Variants in LAMA1 observed in about 807,000 individuals in gnomAD.
LAMA1 encodes the protein laminin subunit alpha-1.
A neutral mutation model predicts 348.7 loss-of-function variants in LAMA1; 219 were observed. That is an observed-to-expected ratio of 0.63 (90% confidence interval 0.56 to 0.70). The LOEUF (loss-of-function observed/expected upper bound fraction) is 0.70. LAMA1 is among the 30% of genes least tolerant of loss of function. The probability of loss-of-function intolerance (pLI) is 0.00; values close to 1 mark genes in which losing one functional copy is unlikely to be tolerated. For missense variants in LAMA1, 3,744 were observed against 3,888.0 expected (o/e 0.96, Z 0.99); for synonymous variants, 1,487 against 1,491.0 (o/e 1.00, Z 0.06).
chr18:6,965,712 G>A (rs1447433360), intron 49 of LAMA1: 2 of 465,756 alleles, frequency 4.3e-6, no homozygotes, highest in Non-Finnish European at 7.7e-6. Flanking sequence ...CTGACAAGGG[G>A]CCCGTTCTAA....
intron 1 of LAMA1, among the ~76,000 whole-genome samples, chr18:7,093,774 CTTTTTTT>C (rs34130725): frequency 8.0e-6 from 1 of 124,624 alleles, no homozygotes; most frequent in African/African-American, 3.1e-5. Flanking sequence ...GGTTTCTCAA[CTTTTTTT>C]TTTTTTTTTT....
In LAMA1 at chr18:7,049,152, T is replaced by G; in HGVS notation, c.694A>C (p.Arg232=). ...GTCATGAGATCTGCATTGAGCGTTCTAATGCGTTGCAAGCGAAGGCGAATA... is the reference window on the plus strand; with the variant it reads ...GTCATGAGATCTGCATTGAGCGTTCGAATGCGTTGCAAGCGAAGGCGAATA... The part of the protein sequence containing the change: ...RYIRLRLQRI[R]TLNADLMTLS... Residue 232 remains arginine (R), a synonymous_variant, in exon 5 of 63, where the codon AGA becomes CGA. Coordinates refer to ENST00000389658, the MANE Select transcript of LAMA1 (RefSeq NM_005559.4). 6.2e-7 allele frequency: 1 copy of G among 1,614,118 alleles called. No individual in the cohort carries two copies. The highest frequency in any genetic ancestry group is 1.7e-5 in the Admixed American group (1 of 60,028).
intron 48 of LAMA1, among the ~76,000 whole-genome samples, chr18:6,971,128 A>G (rs2057656417): frequency 6.6e-6 from 1 of 152,218 alleles, no homozygotes; most frequent in Non-Finnish European, 1.5e-5. Flanking sequence ...CTCTAACGGA[A>G]AAAAGCAATT....
intron 1 of LAMA1, among the ~76,000 whole-genome samples, chr18:7,097,612 C>T (rs2058267473): frequency 6.6e-6 from 1 of 150,824 alleles, no homozygotes; most frequent in Admixed American, 6.6e-5. Context: ...ATGACTTACA[C>T]TACCTATTTC....
rs574742129 is a variant in LAMA1 at position 6,993,569 on chromosome 18, T to C, written c.5008+72A>G. On this transcript the variant is annotated intron_variant, in intron 35 of 62. Transcript: ENST00000389658. ...TGCAAGAGATATACATCTATTCATA[T>C]GTTTAATAAAGCAATGGTGACTTCT... 379 of 1,071,898 alleles carry C rather than the reference T, an allele frequency of 3.5e-4. 1 individual carries two copies. In the South Asian group the frequency reaches 4.5e-3, roughly 13 times the overall value. The allele number at this position is 1,071,898 out of a possible 1,614,324, so 66.4% of individuals were successfully genotyped here. A position where few individuals can be genotyped will look rare whatever the true frequency, so the allele number is the denominator to read the frequency against.
At chr18:7,005,417 A>C (rs1186977732) in intron 29 of LAMA1, among the ~76,000 whole-genome samples, 1 of 152,202 alleles carries the variant, frequency 6.6e-6, no homozygotes, top group Non-Finnish European at 1.5e-5. Flanking sequence ...TGTACACTAA[A>C]TTACTGCCTG....
chr18:7,117,153 G>C (rs932437799), intron 1 of LAMA1, among the ~76,000 whole-genome samples: 1 of 152,182 alleles, frequency 6.6e-6, no homozygotes, highest in Non-Finnish European at 1.5e-5. Context: ...CAGGGGCCCC[G>C]AGGAATCCGC....
At chr18:7,107,141 C>T (rs1359230440) in intron 1 of LAMA1, among the ~76,000 whole-genome samples, 4 of 123,094 alleles carry the variant, frequency 3.2e-5, no homozygotes, top group African/African-American at 6.7e-5. Flanking sequence ...TTTTTTGAGA[C>T]GGAGTCTCAC....
intron 14 of LAMA1, 105 bp downstream of exon 14, chr18:7,034,374 A>G (rs2057984710): frequency 1.2e-6 from 1 of 832,356 alleles, no homozygotes; most frequent in South Asian, 1.4e-5. Flanking sequence ...CTGTGTCCTT[A>G]ATATAATGAA....
intron 3 of LAMA1, among the ~76,000 whole-genome samples, chr18:7,055,845 G>A (rs1202380901): frequency 6.6e-6 from 1 of 152,064 alleles, no homozygotes; most frequent in Non-Finnish European, 1.5e-5. Flanking sequence ...ATTTTGGGAG[G>A]CCGAGGCGGG....
intron 32 of LAMA1, 150 bp downstream of exon 32, chr18:6,999,295 G>T: frequency 1.2e-6 from 1 of 804,478 alleles, no homozygotes; most frequent in Non-Finnish European, 2.0e-6. Context: ...TTCAGCAGAT[G>T]CAACAGTGAT....
chr18:7,008,745 G>T, intron 27 of LAMA1, 137 bp from the exon 28 acceptor site: 2 of 973,972 alleles, frequency 2.1e-6, no homozygotes, highest in Non-Finnish European at 1.6e-6. Flanking sequence ...GCTTGTGATT[G>T]TAAGTGAAGT....
rs2058332958 is a variant in LAMA1 at position 7,110,885 on chromosome 18, CCCT to C, written c.61+6772_61+6774del. Among the ~76,000 whole-genome samples the C allele has an allele frequency of 5.2e-4, 27 of 51,566 alleles. 1 individual carries two copies. The highest frequency in any genetic ancestry group is 2.5e-3 in the African/African-American group (23 of 9,038). 33.8% of individuals were successfully genotyped at this position (51,566 alleles called of 152,430 possible). A position where few individuals can be genotyped will look rare whatever the true frequency, so the allele number is the denominator to read the frequency against. On this transcript the variant is annotated intron_variant, in intron 1 of 62. Transcript: ENST00000389658. ...CAACTGTGGTGTGAGGGTTTTTTTT[CCCT>C]CCCCCCCCCCACTTCTAATTGTTCT...
At chr18:7,008,683 C>T in intron 27 of LAMA1, 75 bp from the exon 28 acceptor site, 1 of 1,536,150 alleles carries the variant, frequency 6.5e-7, no homozygotes, top group Admixed American at 1.7e-5. Flanking sequence ...CATGACCTAA[C>T]ACTTGCATAT....
At chr18:7,044,591 C>T (rs994251868) in intron 7 of LAMA1, 131 bp downstream of exon 7, 1 of 811,598 alleles carries the variant, frequency 1.2e-6, no homozygotes, top group Non-Finnish European at 2.2e-6. Context: ...AGGTCATCTG[C>T]AGCTTTGGAA....
At position 6,950,930 on chromosome 18, in the gene LAMA1, C is replaced by T; in HGVS notation, c.8249G>A (p.Gly2750Asp). The T allele has an allele frequency of 6.2e-7, 1 of 1,614,124 alleles. No individual in the cohort carries two copies. Among genetic ancestry groups the T allele is most frequent in the Non-Finnish European group, 8.5e-7 (1 of 1,180,030 alleles). Reference protein sequence around the residue: ...ELSIRTFASSGLIYYMAHQNQ... With the variant: ...ELSIRTFASSDLIYYMAHQNQ... ...CTGATGAGCCATGTAGTAAATCAGG[C>T]CGCTGGAGGCGAACGTGCGGATGCT... is the stretch of plus-strand genomic sequence containing the variant. Residue 2750 changes from glycine to aspartate, a missense_variant, in exon 58 of 63, where the codon GGC (glycine) becomes GAC (aspartate). Physicochemically the swap from Gly to Asp is moderately conservative, Grantham distance 94. This residue lies in a region of LAMA1 where 1,983 missense variants were observed against 1,934.3 expected (regional missense o/e 1.03). Transcript: ENST00000389658.
chr18:7,070,486 T>C (rs1537421), intron 3 of LAMA1, among the ~76,000 whole-genome samples: 147,728 of 152,322 alleles, frequency 0.97, 71,668 homozygotes, highest in East Asian at 1. Context: ...GCTTAATAAA[T>C]ACTTTATATT....
Position 6,965,405 on chromosome 18 carries a change from GAAA to G in LAMA1, c.7075_7077del (p.Phe2359del), listed in dbSNP as rs752440020. 6.2e-7 allele frequency: 1 copy of G among 1,613,990 alleles called. No individual in the cohort carries two copies. Among genetic ancestry groups the G allele is most frequent in the African/African-American group, 1.3e-5 (1 of 74,920 alleles). On this transcript the variant is annotated inframe_deletion, in exon 50 of 63. Transcript: ENST00000389658. ...TCAGTCATAACCTTCACTCTGCCACGAAACAGCTCGATGGATAAAAAGTCTTTC... is the reference window on the plus strand; with the variant it reads ...TCAGTCATAACCTTCACTCTGCCACGCAGCTCGATGGATAAAAAGTCTTTC...
chr18:6,955,241 C>T, intron 57 of LAMA1, 112 bp downstream of exon 57: 1 of 826,960 alleles, frequency 1.2e-6, no homozygotes, highest in Non-Finnish European at 2.0e-6. Context: ...GCAAATCAAG[C>T]ACTTCATCAT....
Sources: gnomAD v4.1 joint callset for allele counts (sites outside exome capture counted in the v4.1 genomes callset) on GRCh38, gnomAD v4.1.1 for gene constraint, gnomAD v4.1.1 regional missense constraint, MANE v1.5 for transcripts, NCBI Gene and HGNC (gene_info 2026-07-23, HGNC 2026-07-21) for gene names.